The following CSMD1 variants were observed in gnomAD, a reference collection of about 807,000 sequenced individuals.
CSMD1 encodes the protein CUB and sushi domain-containing protein 1.
CSMD1 carries 213 observed loss-of-function variants against 417.5 expected under a neutral mutation model. The observed-to-expected ratio is 0.51, with a 90% CI of 0.46 to 0.57. CSMD1 has a LOEUF of 0.57. Among genes scored for constraint, CSMD1 ranks in the 20% least tolerant of loss-of-function variants. The probability of loss-of-function intolerance (pLI) is 0.00; values close to 1 mark genes in which losing one functional copy is unlikely to be tolerated. For missense variants in CSMD1, 6,923 were observed against 4,529.7 expected (o/e 1.53, Z -15.17); for synonymous variants, 2,862 against 1,736.8 (o/e 1.65, Z -16.11).
intron 1 of CSMD1, among the ~76,000 whole-genome samples, chr8:4,836,790 A>T (rs1040729927): frequency 6.6e-6 from 1 of 152,038 alleles, no homozygotes. Context: ...GTGTGGACAC[A>T]CTGATGTAAT....
chr8:4,248,822 T>C (rs1802868146), intron 3 of CSMD1, among the ~76,000 whole-genome samples: 1 of 152,150 alleles, frequency 6.6e-6, no homozygotes, highest in African/African-American at 2.4e-5. Context: ...ATTTGGTGAC[T>C]GATGTATCCC....
intron 1 of CSMD1, among the ~76,000 whole-genome samples, chr8:4,742,536 TTTAAA>T (rs1277818975): frequency 2.6e-5 from 4 of 152,036 alleles, no homozygotes; most frequent in African/African-American, 9.7e-5. Flanking sequence ...AAATATATTA[TTTAAA>T]TTAAAAATCT....
chr8:4,487,032 A>G (rs1413917872), intron 2 of CSMD1, among the ~76,000 whole-genome samples: 1 of 152,196 alleles, frequency 6.6e-6, no homozygotes, highest in Non-Finnish European at 1.5e-5. Flanking sequence ...GTTCCACTGA[A>G]GAGAATTGTA....
At chr8:4,609,203 C>T (rs755257541) in intron 2 of CSMD1, among the ~76,000 whole-genome samples, 2 of 152,122 alleles carry the variant, frequency 1.3e-5, no homozygotes, top group African/African-American at 4.8e-5. Flanking sequence ...TGTTCCAGAC[C>T]AGCCTGGACA....
At chr8:4,383,279 C>G (rs1005965140) in intron 3 of CSMD1, among the ~76,000 whole-genome samples, 1 of 152,084 alleles carries the variant, frequency 6.6e-6, no homozygotes, top group African/African-American at 2.4e-5. Flanking sequence ...TATTCCTTTC[C>G]AAGGGCAAGA....
chr8:3,613,589 T>G (rs1215809283), intron 8 of CSMD1, among the ~76,000 whole-genome samples: 1 of 151,992 alleles, frequency 6.6e-6, no homozygotes, highest in Non-Finnish European at 1.5e-5. Flanking sequence ...ATATGAGTTT[T>G]TAACTTAGGG....
intron 3 of CSMD1, among the ~76,000 whole-genome samples, chr8:4,220,270 C>G (rs1800947907): frequency 6.6e-6 from 1 of 152,132 alleles, no homozygotes; most frequent in African/African-American, 2.4e-5. Flanking sequence ...CTTAGAGATA[C>G]TTGTCAGTGA....
Position 3,792,069 on chromosome 8 carries a change from T to C in CSMD1, c.819-38027A>G, listed in dbSNP as rs17067580. On this transcript the variant is annotated intron_variant, in intron 5 of 69. Coordinates refer to ENST00000635120, the MANE Select transcript of CSMD1 (RefSeq NM_033225.6). ...ACCTCAAAGTTTAACCAAATCTCTA[T>C]GTTTTCCTCCTTCAAGAATGACTTC... Among the ~76,000 whole-genome samples the C allele has an allele frequency of 0.02, 3,103 of 152,246 alleles. 269 individuals are homozygous for C. The East Asian group carries it at 0.23, about 11-fold the overall frequency.
intron 3 of CSMD1, among the ~76,000 whole-genome samples, chr8:4,173,789 G>C (rs1797892430): frequency 6.6e-6 from 1 of 152,058 alleles, no homozygotes; most frequent in Non-Finnish European, 1.5e-5. Context: ...TGACTCAAAA[G>C]TTAGTGGTGA....
intron 1 of CSMD1, among the ~76,000 whole-genome samples, chr8:4,802,861 G>T (rs989850192): frequency 6.6e-6 from 1 of 152,190 alleles, no homozygotes; most frequent in African/African-American, 2.4e-5. Context: ...TGTCCTTAGA[G>T]ATGCAAATAT....
intron 1 of CSMD1, among the ~76,000 whole-genome samples, chr8:4,695,775 G>C (rs531030414): frequency 6.6e-6 from 1 of 152,064 alleles, no homozygotes. Context: ...ATGTATCCCC[G>C]ATATAGTATC....
rs190302706 is a variant in CSMD1, at chr8:4,320,552, C to T, written c.415+99401G>A. Among the ~76,000 whole-genome samples the T allele has an allele frequency of 3.4e-3, 518 of 152,164 alleles. 6 individuals carry two copies. The highest frequency in any genetic ancestry group is 0.029 in the South Asian group (139 of 4,814). ...GGCCCCAGTGGGTGATGTTCCCCTC[C>T]CTGTGTCCATGTGTTCTCTTTGTTC... On this transcript the variant is annotated intron_variant, in intron 3 of 69. Transcript: ENST00000635120.
chr8:3,246,672 A>G lies in CSMD1; in HGVS notation c.4154-16441T>C, dbSNP rs138944939. ...TTTTTGAAAGAGACGGGGTTTTGCCATGTTGGCCATGCTGGCCTCGAACTC... is the reference window on the plus strand; with the variant it reads ...TTTTTGAAAGAGACGGGGTTTTGCCGTGTTGGCCATGCTGGCCTCGAACTC... On this transcript the variant is annotated intron_variant, in intron 26 of 69. Coordinates refer to ENST00000635120, the MANE Select transcript of CSMD1 (RefSeq NM_033225.6). Among the ~76,000 whole-genome samples the G allele has an allele frequency of 2.0e-4, 31 of 152,230 alleles. No individual in the cohort carries two copies. In the East Asian group the frequency reaches 5.8e-3, roughly 29 times the overall value.
chr8:4,400,969 C>T (rs1034236878), intron 3 of CSMD1, among the ~76,000 whole-genome samples: 1 of 152,036 alleles, frequency 6.6e-6, no homozygotes, highest in African/African-American at 2.4e-5. Flanking sequence ...GTCTTATATT[C>T]CCTAAGTATT....
At chr8:3,741,511 T>G (rs1218239949) in intron 6 of CSMD1, among the ~76,000 whole-genome samples, 2 of 152,248 alleles carry the variant, frequency 1.3e-5, no homozygotes, top group East Asian at 3.8e-4. Context: ...CATTTCCTTT[T>G]GTTTTACAGT....
At chr8:3,412,924 G>C (rs1400108507) in intron 12 of CSMD1, among the ~76,000 whole-genome samples, 1 of 152,122 alleles carries the variant, frequency 6.6e-6, no homozygotes, top group Non-Finnish European at 1.5e-5. Flanking sequence ...CTCTCCATTG[G>C]GAAGCTGGGC....
At chr8:3,237,469 C>T (rs945004204) in intron 26 of CSMD1, among the ~76,000 whole-genome samples, 2 of 149,190 alleles carry the variant, frequency 1.3e-5, no homozygotes, top group South Asian at 2.1e-4. Context: ...AACAAAAAAC[C>T]AAAAAACCAC....
chr8:4,429,864 T>C (rs1055100466), intron 2 of CSMD1, among the ~76,000 whole-genome samples: 10 of 152,144 alleles, frequency 6.6e-5, no homozygotes, highest in African/African-American at 2.4e-4. Context: ...AGTTAAGTTC[T>C]ATGAAATGAG....
chr8:4,953,585 A>G (rs1808889996), intron 1 of CSMD1, among the ~76,000 whole-genome samples: 1 of 152,166 alleles, frequency 6.6e-6, no homozygotes, highest in Non-Finnish European at 1.5e-5. Context: ...ACGATTGTCA[A>G]CTAGTCATAA....
Sources: allele counts gnomAD v4.1 joint callset (sites outside exome capture counted in the v4.1 genomes callset), GRCh38; gene constraint gnomAD v4.1.1; transcripts MANE v1.5; gene names NCBI Gene and HGNC (gene_info 2026-07-23, HGNC 2026-07-21).